DROSHA: variants seen among roughly 807,000 people sequenced by gnomAD.
DROSHA encodes the protein ribonuclease 3.
In DROSHA, 56 loss-of-function variants were observed where a neutral mutation model predicts 181.9. The ratio of observed to expected loss-of-function variants is 0.31; its 90% CI spans 0.25 to 0.38. The LOEUF (loss-of-function observed/expected upper bound fraction) is 0.38. DROSHA is among the 10% of genes least tolerant of loss of function. DROSHA has a pLI of 1.00. For missense variants in DROSHA, 1,218 were observed against 1,743.5 expected (o/e 0.70, Z 5.37); for synonymous variants, 524 against 591.2 (o/e 0.89, Z 1.65).
intron 29 of DROSHA, among the ~76,000 whole-genome samples, 156 bp downstream of exon 29, chr5:31,422,631 G>A (rs1742904839): frequency 6.6e-6 from 1 of 152,178 alleles, no homozygotes; most frequent in South Asian, 2.1e-4. Context: ...CATAACCCCA[G>A]GTCCACACTG....
intron 27 of DROSHA, among the ~76,000 whole-genome samples, 154 bp from the exon 28 acceptor site, chr5:31,424,625 T>G (rs573023834): frequency 4.6e-5 from 7 of 152,316 alleles, no homozygotes; most frequent in African/African-American, 1.7e-4. Flanking sequence ...AATTTTTTTT[T>G]TAAGTGTATT....
chr5:31,423,001 A>G (rs1338180485), intron 28 of DROSHA, 57 bp from the exon 29 acceptor site: 11 of 1,434,656 alleles, frequency 7.7e-6, no homozygotes, highest in Non-Finnish European at 9.2e-6. Flanking sequence ...TGTAAGTGCA[A>G]TGATCAATTC....
intron 24 of DROSHA, 110 bp from the exon 25 acceptor site, chr5:31,435,974 G>C: frequency 1.1e-6 from 1 of 897,556 alleles, no homozygotes; most frequent in East Asian, 2.5e-5. Context: ...ATGGATATCA[G>C]GTGAATCAAA....
At chr5:31,506,444 G>A (rs1466910652) in intron 10 of DROSHA, among the ~76,000 whole-genome samples, 3 of 151,554 alleles carry the variant, frequency 2.0e-5, no homozygotes, top group Admixed American at 6.6e-5. Context: ...TTGGGAGGCC[G>A]AGGCAGGCAG....
intron 25 of DROSHA, among the ~76,000 whole-genome samples, chr5:31,435,361 T>C (rs1744664942): frequency 6.6e-6 from 1 of 152,240 alleles, no homozygotes; most frequent in Admixed American, 6.5e-5. Flanking sequence ...GTCTGTAATA[T>C]TCTGTTCAAA....
At chr5:31,509,141 G>T (rs1211511516) in intron 9 of DROSHA, among the ~76,000 whole-genome samples, 2 of 152,006 alleles carry the variant, frequency 1.3e-5, no homozygotes, top group African/African-American at 2.4e-5. Flanking sequence ...GGTTTTTGTG[G>T]AGGCTTCCAA....
intron 23 of DROSHA, among the ~76,000 whole-genome samples, chr5:31,439,286 G>T (rs1049400748): frequency 3.9e-5 from 6 of 152,158 alleles, no homozygotes; most frequent in Non-Finnish European, 7.4e-5. Flanking sequence ...AAAATCCTGT[G>T]CTGTCCCACC....
At chr5:31,416,087 C>T (rs182923118) in intron 30 of DROSHA, among the ~76,000 whole-genome samples, 1 of 152,286 alleles carries the variant, frequency 6.6e-6, no homozygotes, top group East Asian at 1.9e-4. Flanking sequence ...CTCAATTGTC[C>T]TTATTCCCTT....
intron 26 of DROSHA, 132 bp from the exon 27 acceptor site, chr5:31,429,677 ATTGTC>A (rs1743922214): frequency 1.6e-6 from 1 of 644,064 alleles, no homozygotes; most frequent in Non-Finnish European, 2.7e-6. Context: ...TTCAGAAGCA[ATTGTC>A]TTAAAGGTGA....
chr5:31,425,328 CA>C (rs1743334408), intron 27 of DROSHA, among the ~76,000 whole-genome samples: 1 of 152,068 alleles, frequency 6.6e-6, no homozygotes, highest in African/African-American at 2.4e-5. Flanking sequence ...AAAATACACT[CA>C]GGGTTTTTTA....
At chr5:31,501,810 G>T (rs1753603832) in intron 11 of DROSHA, among the ~76,000 whole-genome samples, 1 of 152,162 alleles carries the variant, frequency 6.6e-6, no homozygotes, top group South Asian at 2.1e-4. Flanking sequence ...TTGCCCCAGT[G>T]CTCCCACCCA....
intron 16 of DROSHA, among the ~76,000 whole-genome samples, chr5:31,481,014 T>C (rs2150034674): frequency 6.6e-6 from 1 of 152,178 alleles, no homozygotes; most frequent in Non-Finnish European, 1.5e-5. Context: ...TATTAAAAAA[T>C]AGATGCAAAT....
chr5:31,518,524 T>TTTTA (rs1739515904), intron 6 of DROSHA, among the ~76,000 whole-genome samples: 1 of 152,228 alleles, frequency 6.6e-6, no homozygotes, highest in African/African-American at 2.4e-5. Context: ...TCTAACCAGG[T>TTTTA]AGTCCTTTTT....
intron 16 of DROSHA, among the ~76,000 whole-genome samples, chr5:31,476,696 T>C (rs1294943154): frequency 2.0e-5 from 3 of 152,188 alleles, no homozygotes; most frequent in Non-Finnish European, 4.4e-5. Context: ...CTCTGCTCCC[T>C]GTCTGGTTTT....
intron 34 of DROSHA, 121 bp downstream of exon 34, chr5:31,406,732 C>G: frequency 1.1e-6 from 1 of 896,850 alleles, no homozygotes; most frequent in East Asian, 2.7e-5. Flanking sequence ...TTTGCTACTA[C>G]TCTTGAACAT....
intron 16 of DROSHA, among the ~76,000 whole-genome samples, chr5:31,482,722 A>T (rs1751173869): frequency 6.6e-6 from 1 of 152,152 alleles, no homozygotes; most frequent in Non-Finnish European, 1.5e-5. Context: ...TGACTAGGAA[A>T]TAAATAAAGA....
intron 6 of DROSHA, among the ~76,000 whole-genome samples, chr5:31,517,549 A>C (rs1245939881): frequency 6.6e-6 from 1 of 152,172 alleles, no homozygotes; most frequent in Admixed American, 6.5e-5. Flanking sequence ...TCTTTATCAC[A>C]TGTAACTTTA....
Position 31,495,386 on chromosome 5 carries a change from A to C in DROSHA, c.1669-14T>G. Reference sequence around the variant, plus strand: ...GGGCTTGATGGCCTGAGGGGAAAAAAACGAAAATCAGTTTACAAGTAAAGC... The same window carrying C: ...GGGCTTGATGGCCTGAGGGGAAAAACACGAAAATCAGTTTACAAGTAAAGC... On this transcript the variant is annotated splice_polypyrimidine_tract_variant and intron_variant, in intron 11 of 35. Coordinates refer to ENST00000344624, the MANE Select transcript of DROSHA (RefSeq NM_001382508.1). 6.2e-7 allele frequency: 1 copy of C among 1,610,130 alleles called. No homozygotes were observed. Among genetic ancestry groups the C allele is most frequent in the African/African-American group, 1.3e-5 (1 of 74,866 alleles).
In DROSHA at chr5:31,472,251, T is replaced by G; in HGVS notation, c.2072-19A>C. The stretch of plus-strand genomic sequence containing the variant: ...CCTCCATCTTGGGTGGGAATGGGAG[T>G]GGAGAGAAGGGGAAAAATAAGGCTA... On this transcript the variant is annotated intron_variant, in intron 16 of 35. Transcript: ENST00000344624. 6.4e-7 allele frequency: 1 copy of G among 1,570,134 alleles called. No homozygotes were observed. The highest frequency in any genetic ancestry group is 1.8e-5 in the Admixed American group (1 of 54,384).
Sources: allele counts gnomAD v4.1 joint callset (sites outside exome capture counted in the v4.1 genomes callset), GRCh38; gene constraint gnomAD v4.1.1; transcripts MANE v1.5; gene names NCBI Gene and HGNC (gene_info 2026-07-23, HGNC 2026-07-21).